Variants in ADCY3 observed in about 807,000 individuals in gnomAD.
The protein encoded by ADCY3 is adenylate cyclase 3, also known as adenylate cyclase type 3.
A neutral mutation model predicts 119.4 loss-of-function variants in ADCY3; 70 were observed. The observed-to-expected ratio is 0.59, with a 90% CI of 0.48 to 0.72. The LOEUF is 0.72. ADCY3 is among the 30% of genes least tolerant of loss of function. The pLI, the probability that ADCY3 is intolerant of heterozygous loss-of-function variation, is 0.00. For synonymous variants in ADCY3, 672 were observed against 621.4 expected (o/e 1.08, Z -1.21); for missense variants, 1,238 against 1,541.6 (o/e 0.80, Z 3.30).
intron 12 of ADCY3, 131 bp downstream of exon 12, chr2:24,831,531 T>C: frequency 1.3e-6 from 1 of 742,866 alleles, no homozygotes; most frequent in Non-Finnish European, 2.3e-6. Context: ...GGCAAGTGCC[T>C]GGACCGTCCT....
At position 24,831,767 on chromosome 2, in the gene ADCY3, C is replaced by T; in HGVS notation, c.1968-18G>A. ...TCATTAGCCTGTGACAGAGAGAAGACAATTGGGAGAGGCCAGAGGGGACAG... is the reference window on the plus strand; with the variant it reads ...TCATTAGCCTGTGACAGAGAGAAGATAATTGGGAGAGGCCAGAGGGGACAG... On this transcript the variant is annotated intron_variant, in intron 11 of 21. Coordinates refer to ENST00000679454, the MANE Select transcript of ADCY3 (RefSeq NM_004036.5). 4.2e-6 allele frequency: 6 copies of T among 1,434,606 alleles called. No homozygotes were observed. The highest frequency in any genetic ancestry group is 5.6e-6 in the Non-Finnish European group (6 of 1,066,484). The allele number at this position is 1,434,606 out of a possible 1,614,324, so 88.9% of individuals were successfully genotyped here. A position where few individuals can be genotyped will look rare whatever the true frequency, so the allele number is the denominator to read the frequency against.
At chr2:24,884,110 T>C (rs1436994884) in intron 2 of ADCY3, among the ~76,000 whole-genome samples, 2 of 151,424 alleles carry the variant, frequency 1.3e-5, no homozygotes, top group Non-Finnish European at 2.9e-5. Context: ...CATTCAGCAT[T>C]TTTTTTTTCC....
At position 24,837,647 on chromosome 2, in the gene ADCY3, G is replaced by A. The variant is rs114629757; in HGVS notation, c.1534-602C>T. Among the ~76,000 whole-genome samples, 268 of 152,324 alleles carry A rather than the reference G, an allele frequency of 1.8e-3. 2 individuals carry two copies. The highest frequency in any genetic ancestry group is 6.1e-3 in the African/African-American group (255 of 41,568). On this transcript the variant is annotated intron_variant, in intron 8 of 21. Transcript: ENST00000679454. ...GTTAGATGGACTCTCATAACTGGAGGAAAGGGTTTTGACATGAGATTACAA... is the reference window on the plus strand; with the variant it reads ...GTTAGATGGACTCTCATAACTGGAGAAAAGGGTTTTGACATGAGATTACAA...
chr2:24,837,920 ATTC>A (rs757822449), intron 8 of ADCY3, among the ~76,000 whole-genome samples: 80 of 152,020 alleles, frequency 5.3e-4, no homozygotes, highest in Non-Finnish European at 9.7e-4. Flanking sequence ...GCCCGAGACA[ATTC>A]TTCTTCTTCC....
chr2:24,906,338 C>T (rs1351321846), intron 2 of ADCY3, among the ~76,000 whole-genome samples: 2 of 152,094 alleles, frequency 1.3e-5, no homozygotes, highest in Admixed American at 6.6e-5. Context: ...CTAGATTGGG[C>T]TCTTCATGGA....
In ADCY3 at chr2:24,842,258, C is replaced by T. The variant is rs935732571; in HGVS notation, c.952G>A (p.Val318Ile). 3.1e-6 allele frequency: 5 copies of T among 1,613,986 alleles called. No homozygotes were observed. The highest frequency in any genetic ancestry group is 1.3e-5 in the African/African-American group (1 of 74,924). The change falls in exon 4 of 22, where the codon GTC becomes ATC. Residue 318 changes from valine (V) to isoleucine (I), a missense_variant. Physicochemically the swap from Val to Ile is conservative, Grantham distance 29. Transcript: ENST00000679454. The surrounding 1 kb of genome is among the most constrained non-coding windows in gnomAD (Gnocchi z 4.9). ...CCGCGCCCCGGGCCGGCGTACCTGA[C>T]GTTCTCGTGACGGTACATGTACATG... ...NTMYMYRHEN[V>I]SILFADIVGF...
chr2:24,920,058 G>A lies in ADCY3; in HGVS notation c.-573C>T, dbSNP rs1170738937. Among the ~76,000 whole-genome samples the A allele has an allele frequency of 6.8e-6, 1 of 146,446 alleles. No individual in the cohort carries two copies. Among genetic ancestry groups the A allele is most frequent in the Non-Finnish European group, 1.5e-5 (1 of 65,838 alleles). ...CGGACCCCTCCCCTGCACCCGCGGC[G>A]GCGGCGGCTGCTAGGGGCGCGCGCG... On this transcript the variant is annotated 5_prime_UTR_variant, in exon 1 of 22. Transcript: ENST00000679454. This position sits in a 1 kb window ranked among gnomAD's most constrained non-coding sequence, Gnocchi z 4.5.
chr2:24,881,172 A>G (rs1362873715), intron 2 of ADCY3, among the ~76,000 whole-genome samples: 3 of 152,166 alleles, frequency 2.0e-5, no homozygotes, highest in Non-Finnish European at 4.4e-5. Context: ...AACACCACAC[A>G]CTAAGAACCT....
intron 3 of ADCY3, among the ~76,000 whole-genome samples, chr2:24,864,687 C>T (rs928434660): frequency 6.6e-6 from 1 of 152,182 alleles, no homozygotes; most frequent in Non-Finnish European, 1.5e-5. Context: ...CACAGTAGAA[C>T]AGTGGTTACC....
Position 24,827,600 on chromosome 2 carries a change from A to G in ADCY3, c.2441T>C (p.Met814Thr), listed in dbSNP as rs768818963. 6.3e-7 allele frequency: 1 copy of G among 1,586,870 alleles called. No homozygotes were observed. The highest frequency in any genetic ancestry group is 1.1e-5 in the South Asian group (1 of 87,604). The change falls in exon 15 of 22, where the codon ATG becomes ACG. Residue 814 changes from methionine (M) to threonine (T), a missense_variant. Met to Thr is a moderately conservative substitution (Grantham distance 81). Transcript: ENST00000679454. ...HKRFREHDLP[M>T]VALEQMQGFN... ...TCCTTGCATCTGCTCTAAGGCCACC[A>G]TAGGTAAGCTGTTGGACAGATAACA... is the stretch of plus-strand genomic sequence containing the variant.
At chr2:24,884,483 T>TC (rs1328998446) in intron 2 of ADCY3, among the ~76,000 whole-genome samples, 1 of 137,922 alleles carries the variant, frequency 7.3e-6, no homozygotes, top group East Asian at 2.0e-4. Flanking sequence ...TTTTTTTTTT[T>TC]TTTTTTTTTT....
intron 2 of ADCY3, among the ~76,000 whole-genome samples, chr2:24,903,822 G>A (rs1379982174): frequency 6.6e-6 from 1 of 152,180 alleles, no homozygotes; most frequent in Non-Finnish European, 1.5e-5. Flanking sequence ...CTCAGGTGTT[G>A]TGCGTCACTA....
rs773994097 is a variant in ADCY3, at chr2:24,838,875, C to T, written c.1356-253G>A. 4.1e-5 allele frequency: 65 copies of T among 1,596,240 alleles called. 2 individuals carry two copies. Among genetic ancestry groups the T allele is most frequent in the South Asian group, 3.1e-4 (28 of 90,108 alleles). ...CATCTCAGCCTCAGTGTTGGAGCCACGACACAGGAGTACAATCTTTCTTCA... is the reference window on the plus strand; with the variant it reads ...CATCTCAGCCTCAGTGTTGGAGCCATGACACAGGAGTACAATCTTTCTTCA... On this transcript the variant is annotated intron_variant, in intron 7 of 21. Transcript: ENST00000679454.
At chr2:24,890,350 A>T (rs1677522535) in intron 2 of ADCY3, among the ~76,000 whole-genome samples, 1 of 152,176 alleles carries the variant, frequency 6.6e-6, no homozygotes, top group Non-Finnish European at 1.5e-5. Flanking sequence ...ATAAGTTGGG[A>T]AATGTTCCCT....
intron 2 of ADCY3, among the ~76,000 whole-genome samples, chr2:24,881,402 A>G (rs537246671): frequency 1.3e-5 from 2 of 152,346 alleles, no homozygotes; most frequent in Admixed American, 6.5e-5. Flanking sequence ...AAGCAGTGTC[A>G]TTTCAACTGA....
chr2:24,835,014 G>A, intron 9 of ADCY3, 78 bp from the exon 10 acceptor site: 3 of 1,528,688 alleles, frequency 2.0e-6, no homozygotes, highest in East Asian at 2.3e-5. Flanking sequence ...CAGAGGTGGA[G>A]GAGGAAAGGA....
intron 20 of ADCY3, 141 bp downstream of exon 20, chr2:24,821,376 G>A: frequency 7.9e-7 from 1 of 1,260,692 alleles, no homozygotes; most frequent in Non-Finnish European, 1.1e-6. Flanking sequence ...GGTCTTTCAG[G>A]TCTCCTTGCC....
chr2:24,918,260 T>C lies in ADCY3; in HGVS notation c.675+53A>G. The C allele has an allele frequency of 3.3e-6, 5 of 1,504,728 alleles. No individual in the cohort carries two copies. The highest frequency in any genetic ancestry group is 4.4e-6 in the Non-Finnish European group (5 of 1,127,530). 93.2% of individuals were successfully genotyped at this position (1,504,728 alleles called of 1,614,324 possible). ...AACAGCAACTCCAACAGGTCCCAAG[T>C]TGGTGAGAGCTGCAGGAGAGGACGC... On this transcript the variant is annotated intron_variant, in intron 2 of 21. Coordinates refer to ENST00000679454, the MANE Select transcript of ADCY3 (RefSeq NM_004036.5). The surrounding 1 kb of genome is among the most constrained non-coding windows in gnomAD (Gnocchi z 5.4).
At chr2:24,915,565 G>A (rs746936293) in intron 2 of ADCY3, among the ~76,000 whole-genome samples, 27 of 152,252 alleles carry the variant, frequency 1.8e-4, no homozygotes, top group Non-Finnish European at 3.7e-4. Flanking sequence ...TTGTTTGATG[G>A]AGTCTCACTC....
Sources: allele counts gnomAD v4.1 joint callset (sites outside exome capture counted in the v4.1 genomes callset), GRCh38; gene constraint gnomAD v4.1.1; non-coding constraint Gnocchi (gnomAD v3.1); transcripts MANE v1.5; gene names NCBI Gene and HGNC (gene_info 2026-07-23, HGNC 2026-07-21).